B3GALNT2: variants seen among roughly 807,000 people sequenced by gnomAD.
The protein encoded by B3GALNT2 is UDP-GalNAc:beta-1,3-N-acetylgalactosaminyltransferase 2.
B3GALNT2 carries 53 observed loss-of-function variants against 61.1 expected under a neutral mutation model. That is an observed-to-expected ratio of 0.87 (90% confidence interval 0.70 to 1.09). The LOEUF (loss-of-function observed/expected upper bound fraction) is 1.09, where lower values mean the gene tolerates loss of function less well. Among genes scored for constraint, B3GALNT2 ranks in the 50% least tolerant of loss-of-function variants. The pLI is 0.00. For missense variants in B3GALNT2, 544 were observed against 623.0 expected, an observed-to-expected ratio of 0.87 and a Z score of 1.35; for synonymous variants, 223 against 237.4, an observed-to-expected ratio of 0.94 and a Z score of 0.56.
chr1:235,468,756 A>C (rs951911285), intron 6 of B3GALNT2, among the ~76,000 whole-genome samples: 5 of 152,008 alleles, frequency 3.3e-5, no homozygotes, highest in African/African-American at 9.7e-5. Flanking sequence ...CGGCCAATTT[A>C]TTTCTTTTAG....
Position 235,465,704 on chromosome 1 carries a change from C to A in B3GALNT2, c.773G>T (p.Gly258Val), listed in dbSNP as rs1683661482. 6.2e-7 allele frequency: 1 copy of A among 1,613,984 alleles called. No individual in the cohort carries two copies. The highest frequency in any genetic ancestry group is 8.5e-7 in the Non-Finnish European group (1 of 1,179,980). ...TTCCAAGAATTCATGAGGCAATGCA[C>A]CCTCCCCAGCCTGAAAGGAATAAGA... The part of the protein sequence containing the change: ...GVLRVITAGE[G>V]ALPHEFLEGV... Residue 258 changes from glycine (G) to valine (V), a missense_variant, in exon 7 of 12, where the codon GGT becomes GTT. Physicochemically the swap from Gly to Val is moderately radical, Grantham distance 109. Transcript: ENST00000366600.
In B3GALNT2 at chr1:235,498,321, T is replaced by C. The variant is rs1036978362; in HGVS notation, c.113-3493A>G. 7.9e-5 allele frequency among the ~76,000 whole-genome samples: 12 copies of C among 151,982 alleles called. No homozygotes were observed. The South Asian group carries it at 1.0e-3, about 13-fold the overall frequency. On this transcript the variant is annotated intron_variant, in intron 1 of 11. Coordinates refer to ENST00000366600, the MANE Select transcript of B3GALNT2 (RefSeq NM_152490.5). ...TAGAAACAGAGGGAAAAAAAGAAAG[T>C]GGTAAGAAGTAAACATGATACAGAA...
Position 235,450,315 on chromosome 1 carries a change from G to A in B3GALNT2, c.1394C>T (p.Thr465Ile), listed in dbSNP as rs1682820322. 5 of 1,613,994 alleles carry A rather than the reference G, an allele frequency of 3.1e-6. No individual in the cohort carries two copies. Among genetic ancestry groups the A allele is most frequent in the Non-Finnish European group, 4.2e-6 (5 of 1,179,890 alleles). Residue 465 changes from threonine to isoleucine, a missense_variant, in exon 12 of 12, where the codon ACC (threonine) becomes ATC (isoleucine). By Grantham distance (89) the Thr-to-Ile change is moderately conservative. Coordinates refer to ENST00000366600, the MANE Select transcript of B3GALNT2 (RefSeq NM_152490.5). ...AGAAGACAGCATTCCTGTCTCACAG[G>A]TCTTCTCACACAGCCACAGACTGTC... ...YQDSLWLCEK[T>I]CETGMLSSPQ...
In B3GALNT2 at chr1:235,480,512, G is replaced by C. The variant is rs550116008; in HGVS notation, c.556-363C>G. 4.9e-4 allele frequency among the ~76,000 whole-genome samples: 74 copies of C among 152,130 alleles called. No individual in the cohort carries two copies. The South Asian group carries it at 0.01, about 21-fold the overall frequency. On this transcript the variant is annotated intron_variant, in intron 4 of 11. Transcript: ENST00000366600. ...TCCCCCAAAGGGTTAAAACTAAACT[G>C]AAAGACACAGATTTTTACTGGGAAC...
chr1:235,494,871 T>C (rs748747275), intron 1 of B3GALNT2, 43 bp from the exon 2 acceptor site: 1 of 1,509,074 alleles, frequency 6.6e-7, no homozygotes. Context: ...CATGTATCAA[T>C]TACTATGAAG....
chr1:235,474,856 C>T (rs1384287736), intron 5 of B3GALNT2, among the ~76,000 whole-genome samples: 3 of 148,698 alleles, frequency 2.0e-5, no homozygotes, highest in Non-Finnish European at 3.0e-5. Context: ...ACAATAACGT[C>T]GCTAGTGACT....
In B3GALNT2 at chr1:235,449,001, A is replaced by G. The variant is rs1682705141; in HGVS notation, c.*1205T>C. The G allele has an allele frequency of 1.1e-5, 5 of 442,214 alleles. No individual in the cohort carries two copies. Among genetic ancestry groups the G allele is most frequent in the Non-Finnish European group, 2.1e-5 (5 of 239,668 alleles). The allele number at this position is 442,214 out of a possible 1,614,324, so 27.4% of individuals were successfully genotyped here. ...CTGATCTTATTTCATATTTATTTTT[A>G]CAGCTCATCACTGCATTTCATGATA... On this transcript the variant is annotated 3_prime_UTR_variant, in exon 12 of 12. Coordinates refer to ENST00000366600, the MANE Select transcript of B3GALNT2 (RefSeq NM_152490.5).
At chr1:235,480,239 G>A in intron 4 of B3GALNT2, 90 bp from the exon 5 acceptor site, 1 of 1,518,618 alleles carries the variant, frequency 6.6e-7, no homozygotes, top group African/African-American at 1.4e-5. Flanking sequence ...TTCTTGGTCA[G>A]CTAAATCCAC....
At chr1:235,443,834 T>G (rs1682064775), downstream of B3GALNT2, among the ~76,000 whole-genome samples, 1 of 152,236 alleles carries the variant, frequency 6.6e-6, no homozygotes, top group Admixed American at 6.5e-5. Context: ...TGAATTACTT[T>G]TATTTGGAAA....
intron 3 of B3GALNT2, among the ~76,000 whole-genome samples, chr1:235,488,350 G>T (rs951540262): frequency 4.6e-5 from 7 of 152,084 alleles, no homozygotes; most frequent in Non-Finnish European, 8.8e-5. Context: ...TTCCAATTCT[G>T]TAAAGAATCT....
chr1:235,443,183 CACAT>C (rs1553340609), downstream of B3GALNT2, among the ~76,000 whole-genome samples: 34 of 145,156 alleles, frequency 2.3e-4, no homozygotes, highest in African/African-American at 8.4e-4. Flanking sequence ...CACACACACA[CACAT>C]ATATATATAC....
rs1210175869 is a variant in B3GALNT2, at chr1:235,447,193, AATAC to A, written c.*3009_*3012del. 6.6e-6 allele frequency among the ~76,000 whole-genome samples: 1 copy of A among 152,234 alleles called. No homozygotes were observed. The highest frequency in any genetic ancestry group is 1.5e-5 in the Non-Finnish European group (1 of 68,046). ...ATTATAAATTCTATTAACTGTATTCAATACATACAAAAAGGCCAGTTTTTATTCT... is the reference window on the plus strand; with the variant it reads ...ATTATAAATTCTATTAACTGTATTCAATACAAAAAGGCCAGTTTTTATTCT... On this transcript the variant is annotated 3_prime_UTR_variant, in exon 12 of 12. Coordinates refer to ENST00000366600, the MANE Select transcript of B3GALNT2 (RefSeq NM_152490.5).
rs188518279 is a variant in B3GALNT2 at position 235,487,004 on chromosome 1, A to G, written c.361+2164T>C. Reference sequence around the variant, plus strand: ...GCCAATGTGGTGAAACCCCATCTCTACTAAAAATAAGTCAGGCGTGGTGGC... The same window carrying G: ...GCCAATGTGGTGAAACCCCATCTCTGCTAAAAATAAGTCAGGCGTGGTGGC... On this transcript the variant is annotated intron_variant, in intron 3 of 11. Coordinates refer to ENST00000366600, the MANE Select transcript of B3GALNT2 (RefSeq NM_152490.5). Among the ~76,000 whole-genome samples, 6 of 152,198 alleles carry G rather than the reference A, an allele frequency of 3.9e-5. No individual in the cohort carries two copies. In the South Asian group the frequency reaches 1.2e-3, roughly 32 times the overall value.
Position 235,448,269 on chromosome 1 carries a change from C to A in B3GALNT2, c.*1937G>T. 9 of 842,702 alleles carry A rather than the reference C, an allele frequency of 1.1e-5. No individual in the cohort carries two copies. Among genetic ancestry groups the A allele is most frequent in the Non-Finnish European group, 1.8e-5 (9 of 500,716 alleles). The allele number at this position is 842,702 out of a possible 1,614,324, so 52.2% of individuals were successfully genotyped here. A position where few individuals can be genotyped will look rare whatever the true frequency, so the allele number is the denominator to read the frequency against. On this transcript the variant is annotated 3_prime_UTR_variant, in exon 12 of 12. Coordinates refer to ENST00000366600, the MANE Select transcript of B3GALNT2 (RefSeq NM_152490.5). ...AGATACAGCTATCATTGCAATGATA[C>A]TGTGGTCTCATCACATGAGCTAGTT...
chr1:235,482,649 A>C (rs2102840198), intron 4 of B3GALNT2, among the ~76,000 whole-genome samples: 1 of 152,298 alleles, frequency 6.6e-6, no homozygotes, highest in East Asian at 1.9e-4. Flanking sequence ...AATAGGATCC[A>C]GAGTTCCTAC....
chr1:235,442,014 T>A, the B3GALNT2 span: 1 of 779,212 alleles, frequency 1.3e-6, no homozygotes, highest in Non-Finnish European at 2.0e-6. Flanking sequence ...GAAAATTTTT[T>A]TTTTTTTTTT....
chr1:235,461,316 G>C (rs900458021), intron 7 of B3GALNT2, among the ~76,000 whole-genome samples: 3 of 152,146 alleles, frequency 2.0e-5, no homozygotes, highest in Admixed American at 6.6e-5. Flanking sequence ...GGGAATGCTT[G>C]CTGAAATGCA....
At chr1:235,489,598 T>C (rs950543184) in intron 2 of B3GALNT2, among the ~76,000 whole-genome samples, 1 of 152,196 alleles carries the variant, frequency 6.6e-6, no homozygotes, top group Non-Finnish European at 1.5e-5. Flanking sequence ...CATATCTATA[T>C]CTAAAATTTT....
rs570577736 is a variant in B3GALNT2, at chr1:235,479,181, G to A, written c.651+873C>T. 3 of 152,302 alleles carry A rather than the reference G, an allele frequency of 2.0e-5. No individual in the cohort carries two copies. The East Asian group carries it at 5.8e-4, about 29-fold the overall frequency. The allele number at this position is 152,302 out of a possible 1,614,324, so 9.4% of individuals were successfully genotyped here. ...TCCTATTGCTGAACACATTGTGAAT[G>A]GCACACCACAGAATGGGTAGGAAAA... On this transcript the variant is annotated intron_variant, in intron 5 of 11. Transcript: ENST00000366600.
Sources: allele counts gnomAD v4.1 joint callset (sites outside exome capture counted in the v4.1 genomes callset), GRCh38; gene constraint gnomAD v4.1.1; transcripts MANE v1.5; gene names NCBI Gene and HGNC (gene_info 2026-07-23, HGNC 2026-07-21).